ZMYND8: variants seen among roughly 807,000 people sequenced by gnomAD.
ZMYND8 encodes the protein MYND-type zinc finger-containing chromatin reader ZMYND8.
Under a neutral mutation model 140.8 loss-of-function variants are expected in ZMYND8, and 37 were observed. The observed-to-expected ratio is 0.26, with a 90% CI of 0.20 to 0.35. ZMYND8 has a LOEUF of 0.35. Among genes scored for constraint, ZMYND8 ranks in the 10% least tolerant of loss-of-function variants. The pLI is 1.00. For missense variants in ZMYND8, 1,068 were observed against 1,570.0 expected (o/e 0.68, Z 5.40); for synonymous variants, 592 against 597.1 (o/e 0.99, Z 0.12).
At chr20:47,349,393 G>A (rs887873508) in intron 1 of ZMYND8, among the ~76,000 whole-genome samples, 4 of 152,152 alleles carry the variant, frequency 2.6e-5, no homozygotes, top group Non-Finnish European at 5.9e-5. Flanking sequence ...TGTCACAAAT[G>A]GTTTTCATCA....
intron 19 of ZMYND8, among the ~76,000 whole-genome samples, chr20:47,224,080 G>A (rs2037366287): frequency 6.6e-6 from 1 of 152,228 alleles, no homozygotes; most frequent in South Asian, 2.1e-4. Flanking sequence ...CTTTAGGCCT[G>A]AGAAGAGATC....
chr20:47,288,349 G>A (rs1026106965), intron 7 of ZMYND8, among the ~76,000 whole-genome samples: 5 of 151,612 alleles, frequency 3.3e-5, no homozygotes, highest in South Asian at 2.1e-4. Context: ...TTTGATAGGC[G>A]GGGCCTTTCT....
At position 47,287,243 on chromosome 20, in the gene ZMYND8, T is replaced by C; in HGVS notation, c.790A>G (p.Ile264Val). The C allele has an allele frequency of 6.2e-7, 1 of 1,613,964 alleles. No individual in the cohort carries two copies. The highest frequency in any genetic ancestry group is 2.2e-5 in the East Asian group (1 of 44,878). The stretch of plus-strand genomic sequence containing the variant: ...GAAACACATACCTCATGTTCACAGA[T>C]TTTGATGACTACTTTCGCTATTTGC... ...LTQIAKVVIK[I>V]CEHEMNEIEV... is the part of the protein sequence containing the mutation. The change falls in exon 8 of 23, where the codon ATC becomes GTC. Residue 264 changes from isoleucine (I) to valine (V), a missense_variant. By Grantham distance (29) the Ile-to-Val change is conservative (BLOSUM62 3). Around this residue, in one of 10 missense-constraint regions of ZMYND8, gnomAD observed 109 missense variants for 314.9 expected, o/e 0.35. Coordinates refer to ENST00000471951, the MANE Select transcript of ZMYND8 (RefSeq NM_001281775.3).
intron 21 of ZMYND8, among the ~76,000 whole-genome samples, chr20:47,214,314 G>A (rs1038695614): frequency 2.0e-5 from 3 of 152,116 alleles, no homozygotes; most frequent in Non-Finnish European, 4.4e-5. Flanking sequence ...GAAGACTGAC[G>A]GCTGCATTCC....
chr20:47,225,061 C>T (rs1031498436), intron 18 of ZMYND8, among the ~76,000 whole-genome samples: 1 of 151,982 alleles, frequency 6.6e-6, no homozygotes, highest in Non-Finnish European at 1.5e-5. Flanking sequence ...ATGAGGAAAC[C>T]GAGGCAAACA....
chr20:47,305,016 G>T (rs1163872575), intron 3 of ZMYND8, among the ~76,000 whole-genome samples: 2 of 152,078 alleles, frequency 1.3e-5, no homozygotes, highest in African/African-American at 4.8e-5. Flanking sequence ...AATGAGGTGG[G>T]AGAACAGCTT....
chr20:47,220,009 T>G (rs1210092757), intron 21 of ZMYND8, among the ~76,000 whole-genome samples: 2 of 151,978 alleles, frequency 1.3e-5, no homozygotes, highest in African/African-American at 4.8e-5. Context: ...GAACCCTCTG[T>G]CCAAATGGAG....
At chr20:47,235,459 C>CTT (rs1465819261) in intron 16 of ZMYND8, among the ~76,000 whole-genome samples, 1 of 152,150 alleles carries the variant, frequency 6.6e-6, no homozygotes, top group Non-Finnish European at 1.5e-5. Context: ...AATCCCAGCA[C>CTT]TTTGAGAGGC....
intron 2 of ZMYND8, among the ~76,000 whole-genome samples, chr20:47,346,044 A>T (rs952081049): frequency 1.3e-5 from 2 of 152,220 alleles, no homozygotes; most frequent in Non-Finnish European, 2.9e-5. Context: ...ATGGTCACTC[A>T]GCTTGGTCAT....
intron 2 of ZMYND8, chr20:47,318,810 A>G (rs2148325985): frequency 1.8e-6 from 1 of 568,702 alleles, no homozygotes. Context: ...CAGAGCCGGG[A>G]TAGGGAGGGC....
intron 10 of ZMYND8, among the ~76,000 whole-genome samples, chr20:47,279,095 C>T (rs1254599834): frequency 6.6e-6 from 1 of 152,158 alleles, no homozygotes; most frequent in Non-Finnish European, 1.5e-5. Context: ...TGTCCGGTAT[C>T]TAAGGCGCTC....
At chr20:47,301,074 T>C (rs1373069805) in intron 3 of ZMYND8, among the ~76,000 whole-genome samples, 1 of 152,106 alleles carries the variant, frequency 6.6e-6, no homozygotes, top group Non-Finnish European at 1.5e-5. Context: ...AGTAGACCTT[T>C]GTAAACCAAT....
At chr20:47,308,566 G>A (rs1448371156) in intron 3 of ZMYND8, among the ~76,000 whole-genome samples, 3 of 152,152 alleles carry the variant, frequency 2.0e-5, no homozygotes, top group African/African-American at 7.2e-5. Flanking sequence ...TATAAAGATT[G>A]TATGATTATT....
intron 9 of ZMYND8, 104 bp downstream of exon 9, chr20:47,283,467 A>G (rs2076734196): frequency 8.6e-7 from 1 of 1,163,746 alleles, no homozygotes; most frequent in Non-Finnish European, 1.3e-6. Flanking sequence ...TTAAAACTCC[A>G]TCCAAAGTTT....
At chr20:47,212,876 C>G in intron 21 of ZMYND8, 151 bp from the exon 22 acceptor site, 1 of 662,206 alleles carries the variant, frequency 1.5e-6, no homozygotes. Flanking sequence ...AACTTTAATG[C>G]AAGCACAGGA....
intron 21 of ZMYND8, among the ~76,000 whole-genome samples, chr20:47,216,884 C>T (rs915390275): frequency 8.5e-5 from 13 of 152,096 alleles, no homozygotes; most frequent in African/African-American, 3.1e-4. Flanking sequence ...ATTGGGAAGA[C>T]GATCCGGCAG....
chr20:47,259,083 C>T (rs2074969260), intron 12 of ZMYND8, among the ~76,000 whole-genome samples: 2 of 151,886 alleles, frequency 1.3e-5, no homozygotes, highest in Non-Finnish European at 2.9e-5. Context: ...AACTGAAAGA[C>T]CCACAGTGTC....
At position 47,238,260 on chromosome 20, in the gene ZMYND8, T is replaced by TG. The variant is rs143167962; in HGVS notation, c.2665+497dup. On this transcript the variant is annotated intron_variant, in intron 15 of 22. Transcript: ENST00000471951. ...TGGACCTCCAAAACATGCTGATGGG[T>TG]GGGGGAAAAAAGCAAGTATGGTACC... The TG allele has an allele frequency of 2.8e-3, 464 of 167,716 alleles. 18 individuals carry two copies. The East Asian group carries it at 0.074, about 27-fold the overall frequency. The allele number at this position is 167,716 out of a possible 1,614,324, so 10.4% of individuals were successfully genotyped here.
At chr20:47,352,414 G>A (rs764712705) in intron 1 of ZMYND8, 14 of 975,498 alleles carry the variant, frequency 1.4e-5, no homozygotes, top group Non-Finnish European at 1.7e-5. Flanking sequence ...ATCAAGGAAA[G>A]ACAATCCGAG....
Sources: allele counts gnomAD v4.1 joint callset (sites outside exome capture counted in the v4.1 genomes callset), GRCh38; gene constraint gnomAD v4.1.1; regional missense constraint gnomAD v4.1.1; transcripts MANE v1.5; gene names NCBI Gene and HGNC (gene_info 2026-07-23, HGNC 2026-07-21).